NUBPL: variants seen among roughly 807,000 people sequenced by gnomAD.
NUBPL encodes iron-sulfur cluster transfer protein NUBPL.
NUBPL carries 31 observed loss-of-function variants against 45.7 expected under a neutral mutation model. That is an observed-to-expected ratio of 0.68 (90% CI 0.51 to 0.92). The LOEUF (loss-of-function observed/expected upper bound fraction) is 0.92, where lower values mean the gene tolerates loss of function less well. Among genes scored for constraint, NUBPL ranks in the 40% least tolerant of loss-of-function variants. The probability of loss-of-function intolerance (pLI) is 0.00; values close to 1 mark genes in which losing one functional copy is unlikely to be tolerated. For missense variants in NUBPL, 401 were observed against 398.7 expected (o/e 1.01, Z -0.05); for synonymous variants, 144 against 140.9 (o/e 1.02, Z -0.15).
intron 4 of NUBPL, among the ~76,000 whole-genome samples, chr14:31,606,753 G>T (rs1014941288): frequency 6.6e-6 from 1 of 152,168 alleles, no homozygotes. Flanking sequence ...GGCTCCTTCA[G>T]CTTGAGGTCT....
At chr14:31,683,206 A>C (rs1051238807) in intron 6 of NUBPL, among the ~76,000 whole-genome samples, 1 of 151,864 alleles carries the variant, frequency 6.6e-6, no homozygotes, top group Non-Finnish European at 1.5e-5. Context: ...CATCTATCCA[A>C]ACTATAGCAC....
chr14:31,685,383 T>C (rs1753916806), intron 6 of NUBPL, among the ~76,000 whole-genome samples: 1 of 152,192 alleles, frequency 6.6e-6, no homozygotes, highest in African/African-American at 2.4e-5. Flanking sequence ...GGTAGAGGTG[T>C]ATTCTACCTA....
At chr14:31,815,782 A>C (rs922708357) in intron 7 of NUBPL, among the ~76,000 whole-genome samples, 1 of 141,034 alleles carries the variant, frequency 7.1e-6, no homozygotes, top group African/African-American at 3.3e-5. Context: ...TTTTGCATCT[A>C]TTGAGATAAT....
chr14:31,799,614 A>C (rs375226072), intron 7 of NUBPL, among the ~76,000 whole-genome samples: 1 of 152,246 alleles, frequency 6.6e-6, no homozygotes, highest in Non-Finnish European at 1.5e-5. Flanking sequence ...CATTTACACT[A>C]TACAGTAGTC....
intron 6 of NUBPL, among the ~76,000 whole-genome samples, chr14:31,693,530 G>T (rs1248913721): frequency 1.3e-5 from 2 of 152,004 alleles, no homozygotes; most frequent in African/African-American, 4.8e-5. Flanking sequence ...TATTAAGTTA[G>T]CCATATCTAA....
rs746435788 is a variant in NUBPL, at chr14:31,860,904, A to G, written c.*1724A>G. On this transcript the variant is annotated 3_prime_UTR_variant, in exon 11 of 11. Transcript: ENST00000281081. Reference sequence around the variant, plus strand: ...ATTTAAAAAGGTTTTGTACCAAAAGATTCCATTTATATAACGTTCTTGAAG... The same window carrying G: ...ATTTAAAAAGGTTTTGTACCAAAAGGTTCCATTTATATAACGTTCTTGAAG... 6 of 152,232 alleles carry G rather than the reference A, an allele frequency of 3.9e-5. No homozygotes were observed. In the East Asian group the frequency reaches 7.7e-4, roughly 20 times the overall value. 9.4% of individuals were successfully genotyped at this position (152,232 alleles called of 1,614,324 possible). A position where few individuals can be genotyped will look rare whatever the true frequency, so the allele number is the denominator to read the frequency against.
In NUBPL at chr14:31,760,009, C is replaced by A. The variant is rs563038748; in HGVS notation, c.514-27771C>A. Among the ~76,000 whole-genome samples, 29 of 151,568 alleles carry A rather than the reference C, an allele frequency of 1.9e-4. No individual in the cohort carries two copies. The East Asian group carries it at 2.7e-3, about 14-fold the overall frequency. On this transcript the variant is annotated intron_variant, in intron 6 of 10. Coordinates refer to ENST00000281081, the MANE Select transcript of NUBPL (RefSeq NM_025152.3). ...ATGGGTTTTTTGGGACATAACCCCA[C>A]TGCAAGTTAAGAAGCATCTCTATAC...
intron 4 of NUBPL, among the ~76,000 whole-genome samples, chr14:31,608,019 T>C (rs1311596477): frequency 6.6e-6 from 1 of 152,092 alleles, no homozygotes; most frequent in African/African-American, 2.4e-5. Context: ...TGACATACAA[T>C]GGAGCTCCAG....
At chr14:31,629,926 C>T (rs1164733916) in intron 4 of NUBPL, among the ~76,000 whole-genome samples, 1 of 152,136 alleles carries the variant, frequency 6.6e-6, no homozygotes, top group Non-Finnish European at 1.5e-5. Flanking sequence ...ATTAAGATAG[C>T]ATGGTGTACT....
intron 7 of NUBPL, among the ~76,000 whole-genome samples, chr14:31,788,330 A>G (rs1595628113): frequency 1.3e-5 from 2 of 152,160 alleles, no homozygotes; most frequent in South Asian, 2.1e-4. Flanking sequence ...CTGAGAGTTC[A>G]ACATTGCAGT....
chr14:31,575,350 AT>A (rs2033691168), intron 3 of NUBPL, among the ~76,000 whole-genome samples: 1 of 152,190 alleles, frequency 6.6e-6, no homozygotes, highest in African/African-American at 2.4e-5. Context: ...ATAGTCCAGC[AT>A]TTTTGTGTGA....
At chr14:31,818,492 T>C (rs1364879117) in intron 7 of NUBPL, among the ~76,000 whole-genome samples, 2 of 152,222 alleles carry the variant, frequency 1.3e-5, no homozygotes, top group African/African-American at 2.4e-5. Flanking sequence ...AATGTTGATA[T>C]AGCATTGTTT....
intron 6 of NUBPL, among the ~76,000 whole-genome samples, chr14:31,688,623 A>G (rs1287315665): frequency 1.4e-5 from 2 of 146,856 alleles, no homozygotes; most frequent in African/African-American, 5.1e-5. Context: ...ATCTTTGAGG[A>G]GAAAGGCTAT....
chr14:31,671,965 C>G (rs1278157184), intron 4 of NUBPL, among the ~76,000 whole-genome samples: 2 of 152,002 alleles, frequency 1.3e-5, no homozygotes, highest in Non-Finnish European at 2.9e-5. Context: ...ACTTTTTGCC[C>G]AATACTTGTC....
At chr14:31,739,442 A>C (rs921195034) in intron 6 of NUBPL, among the ~76,000 whole-genome samples, 10 of 151,902 alleles carry the variant, frequency 6.6e-5, no homozygotes, top group African/African-American at 1.9e-4. Flanking sequence ...AATAGAATGC[A>C]TGTGAGTATA....
At chr14:31,677,079 A>G (rs2036718146) in intron 6 of NUBPL, among the ~76,000 whole-genome samples, 1 of 152,008 alleles carries the variant, frequency 6.6e-6, no homozygotes, top group South Asian at 2.1e-4. Context: ...TAGTATATTT[A>G]TGGGGTACAT....
chr14:31,803,005 T>A (rs1186589775), intron 7 of NUBPL, among the ~76,000 whole-genome samples: 1 of 152,236 alleles, frequency 6.6e-6, no homozygotes, highest in East Asian at 1.9e-4. Flanking sequence ...TGAGAAAAAG[T>A]TAAACTTGCC....
chr14:31,814,544 C>A (rs1184206013), intron 7 of NUBPL, among the ~76,000 whole-genome samples: 1 of 152,098 alleles, frequency 6.6e-6, no homozygotes, highest in Non-Finnish European at 1.5e-5. Context: ...TTAACTCCAT[C>A]CCATTTGTCA....
chr14:31,581,323 C>T (rs2033858557), intron 3 of NUBPL, among the ~76,000 whole-genome samples: 1 of 151,204 alleles, frequency 6.6e-6, no homozygotes, highest in South Asian at 2.1e-4. Context: ...ACCATCCTCA[C>T]TATTCATCCC....
Sources: allele counts gnomAD v4.1 joint callset (sites outside exome capture counted in the v4.1 genomes callset), GRCh38; gene constraint gnomAD v4.1.1; transcripts MANE v1.5; gene names NCBI Gene and HGNC (gene_info 2026-07-23, HGNC 2026-07-21).